The following TRIM33 variants were observed in gnomAD, a reference collection of about 807,000 sequenced individuals.
TRIM33 encodes E3 ubiquitin-protein ligase TRIM33.
Under a neutral mutation model 125.4 loss-of-function variants are expected in TRIM33, and 20 were observed. The ratio of observed to expected loss-of-function variants is 0.16; its 90% CI spans 0.11 to 0.23. TRIM33 has a LOEUF of 0.23. Ranked by LOEUF, TRIM33 falls within the 10% of genes least tolerant of loss-of-function variation. The pLI is 1.00. For missense variants in TRIM33, 920 were observed against 1,411.4 expected, an observed-to-expected ratio of 0.65 and a Z score of 5.58; for synonymous variants, 564 against 513.9, an observed-to-expected ratio of 1.10 and a Z score of -1.32.
At chr1:114,430,038 T>G (rs1321682719) in intron 6 of TRIM33, among the ~76,000 whole-genome samples, 3 of 152,068 alleles carry the variant, frequency 2.0e-5, no homozygotes, top group Non-Finnish European at 4.4e-5. Flanking sequence ...TTAAGGTTTA[T>G]AAATTTCAAA....
chr1:114,486,541 T>G (rs540483489), intron 1 of TRIM33, among the ~76,000 whole-genome samples: 27 of 101,206 alleles, frequency 2.7e-4, no homozygotes, highest in African/African-American at 1.3e-3. Context: ...AGTGGGACCC[T>G]ATCTCAAAAA....
In TRIM33 at chr1:114,504,157, A is replaced by AT. The variant is rs201841148; in HGVS notation, c.526+6393dup. Among the ~76,000 whole-genome samples the AT allele has an allele frequency of 7.2e-4, 108 of 150,304 alleles. 1 individual carries two copies. The East Asian group carries it at 0.017, about 24-fold the overall frequency. On this transcript the variant is annotated intron_variant, in intron 1 of 19. Coordinates refer to ENST00000358465, the MANE Select transcript of TRIM33 (RefSeq NM_015906.4). Reference sequence around the variant, plus strand: ...CTTGGAGCCATTATCCTTTTTTTTTATTTTTTTATTTTTTTTATTTTTTTA... The same window carrying AT: ...CTTGGAGCCATTATCCTTTTTTTTTATTTTTTTTATTTTTTTTATTTTTTTA...
At chr1:114,435,462 TAATAA>T (rs1648217740) in intron 4 of TRIM33, among the ~76,000 whole-genome samples, 2 of 152,170 alleles carry the variant, frequency 1.3e-5, no homozygotes, top group African/African-American at 4.8e-5. Flanking sequence ...ATCACAAAAG[TAATAA>T]TACTATGAGC....
intron 4 of TRIM33, among the ~76,000 whole-genome samples, chr1:114,436,429 C>T (rs1257986405): frequency 3.6e-5 from 5 of 138,180 alleles, no homozygotes; most frequent in African/African-American, 5.3e-5. Flanking sequence ...AAAAAAGATA[C>T]TAATAGCACA....
At chr1:114,467,955 A>G (rs992601147) in intron 1 of TRIM33, among the ~76,000 whole-genome samples, 1 of 152,194 alleles carries the variant, frequency 6.6e-6, no homozygotes, top group Non-Finnish European at 1.5e-5. Flanking sequence ...ATTTATACCT[A>G]CAGCCTCTAA....
chr1:114,433,169 C>T (rs921064068), intron 5 of TRIM33, among the ~76,000 whole-genome samples: 4 of 152,172 alleles, frequency 2.6e-5, no homozygotes, highest in Non-Finnish European at 5.9e-5. Flanking sequence ...AATCTAACTG[C>T]TTACTATGTA....
At chr1:114,455,848 A>T (rs960903295) in intron 4 of TRIM33, among the ~76,000 whole-genome samples, 5 of 152,196 alleles carry the variant, frequency 3.3e-5, no homozygotes, top group African/African-American at 1.2e-4. Flanking sequence ...CTGGGACAAT[A>T]GTCTGGCAGA....
In TRIM33 at chr1:114,397,130, C is replaced by G. The variant is rs900943683; in HGVS notation, c.*518G>C. ...TGAGAAAAAACATAATGGCATGATT[C>G]AATGCAAATCTGCACTGACATTAAA... On this transcript the variant is annotated 3_prime_UTR_variant, in exon 20 of 20. Coordinates refer to ENST00000358465, the MANE Select transcript of TRIM33 (RefSeq NM_015906.4). 2.7e-5 allele frequency: 6 copies of G among 225,688 alleles called. No homozygotes were observed. The highest frequency in any genetic ancestry group is 5.3e-5 in the Non-Finnish European group (6 of 113,368). 14.0% of individuals were successfully genotyped at this position (225,688 alleles called of 1,614,324 possible). A position where few individuals can be genotyped will look rare whatever the true frequency, so the allele number is the denominator to read the frequency against.
intron 4 of TRIM33, among the ~76,000 whole-genome samples, chr1:114,447,502 T>C (rs1039416755): frequency 5.3e-5 from 8 of 152,152 alleles, no homozygotes; most frequent in African/African-American, 1.4e-4. Context: ...TTTGAAAAAG[T>C]AGACATTCAA....
intron 1 of TRIM33, among the ~76,000 whole-genome samples, chr1:114,470,601 A>G (rs1278273793): frequency 6.6e-6 from 1 of 151,990 alleles, no homozygotes; most frequent in Non-Finnish European, 1.5e-5. Context: ...AAAGTGTCCA[A>G]CTGAAAAGAA....
Position 114,483,666 on chromosome 1 carries a change from G to A in TRIM33, c.527-19278C>T, listed in dbSNP as rs570861041. On this transcript the variant is annotated intron_variant, in intron 1 of 19. Transcript: ENST00000358465. ...GAGCTCAGGCAATCCACCCGCCTCA[G>A]CCTCCCAAAGTGCTGGGATTACAGT... is the stretch of plus-strand genomic sequence containing the variant. Among the ~76,000 whole-genome samples, 49 of 152,140 alleles carry A rather than the reference G, an allele frequency of 3.2e-4. No homozygotes were observed. In the East Asian group the frequency reaches 3.5e-3, roughly 11 times the overall value.
rs767593683 is a variant in TRIM33 at position 114,425,394 on chromosome 1, T to C, written c.1695+55A>G. On this transcript the variant is annotated intron_variant, in intron 9 of 19. Transcript: ENST00000358465. ...TGTAACTTAATTATATAGGAAAAAG[T>C]GTAGTGTTGAGGGCTTCATAATTTC... The C allele has an allele frequency of 8.9e-6, 14 of 1,579,498 alleles. No homozygotes were observed. In the Admixed American group the frequency reaches 1.1e-4, roughly 12 times the overall value.
chr1:114,405,829 C>G, intron 14 of TRIM33, 70 bp from the exon 15 acceptor site: 1 of 1,321,766 alleles, frequency 7.6e-7, no homozygotes, highest in Non-Finnish European at 1.1e-6. Context: ...GTGTATTTAA[C>G]AGTTATGTGA....
chr1:114,422,214 A>G (rs537488786), intron 10 of TRIM33, among the ~76,000 whole-genome samples: 1 of 152,324 alleles, frequency 6.6e-6, no homozygotes, highest in East Asian at 1.9e-4. Context: ...AATCTTAAGA[A>G]AACGAATTCT....
At chr1:114,451,260 C>G (rs1455816523) in intron 4 of TRIM33, among the ~76,000 whole-genome samples, 2 of 151,758 alleles carry the variant, frequency 1.3e-5, no homozygotes, top group African/African-American at 4.8e-5. Context: ...ATTACAGGTT[C>G]CTGAGAAATA....
At chr1:114,428,472 A>C (rs1389978040) in intron 6 of TRIM33, among the ~76,000 whole-genome samples, 1 of 152,246 alleles carries the variant, frequency 6.6e-6, no homozygotes, top group Non-Finnish European at 1.5e-5. Context: ...AAACACTGCA[A>C]AGGAAAAATA....
intron 11 of TRIM33, among the ~76,000 whole-genome samples, chr1:114,412,526 C>T (rs973880478): frequency 1.3e-5 from 2 of 152,194 alleles, no homozygotes; most frequent in Non-Finnish European, 2.9e-5. Context: ...TAATCAATCC[C>T]TCTCTCAAAC....
intron 5 of TRIM33, among the ~76,000 whole-genome samples, chr1:114,432,602 C>T (rs533280626): frequency 1.0e-3 from 157 of 152,076 alleles, no homozygotes; most frequent in Non-Finnish European, 1.9e-3. Context: ...CTGGCTAACA[C>T]GGTGAAACCC....
At position 114,511,126 on chromosome 1, in the gene TRIM33, G is replaced by A. The variant is rs972345801; in HGVS notation, c.-50C>T. 1 of 1,111,072 alleles carries A rather than the reference G, an allele frequency of 9.0e-7. No individual in the cohort carries two copies. The highest frequency in any genetic ancestry group is 1.7e-5 in the African/African-American group (1 of 60,054). The allele number at this position is 1,111,072 out of a possible 1,614,324, so 68.8% of individuals were successfully genotyped here. A position where few individuals can be genotyped will look rare whatever the true frequency, so the allele number is the denominator to read the frequency against. On this transcript the variant is annotated 5_prime_UTR_variant, in exon 1 of 20. It adds an upstream start codon to the 5' untranslated region. Transcript: ENST00000358465. ...CCGCCCCGCGCCGCCCGCCGCCCGC[G>A]TCGCCGCCGCCGCCGCCCCCAGCCC...
Sources: gnomAD v4.1 joint callset for allele counts (sites outside exome capture counted in the v4.1 genomes callset) on GRCh38, gnomAD v4.1.1 for gene constraint, MANE v1.5 for transcripts, NCBI Gene and HGNC (gene_info 2026-07-23, HGNC 2026-07-21) for gene names.